The following LCORL variants were observed in gnomAD, a reference collection of about 807,000 sequenced individuals.
LCORL encodes the protein ligand dependent nuclear receptor corepressor like.
In LCORL, 41 loss-of-function variants were observed where a neutral mutation model predicts 141.8. The observed-to-expected ratio is 0.29, with a 90% CI of 0.23 to 0.38. The LOEUF is 0.38. LCORL is among the 10% of genes least tolerant of loss of function. The pLI, the probability that LCORL is intolerant of heterozygous loss-of-function variation, is 1.00. For synonymous variants in LCORL, 618 were observed against 694.1 expected, an observed-to-expected ratio of 0.89 and a Z score of 1.72; for missense variants, 1,759 against 2,035.0, an observed-to-expected ratio of 0.86 and a Z score of 2.61.
exon 8 of LCORL, chr4:17,842,208 ATTG>A: frequency 2.1e-6 from 2 of 948,704 alleles, no homozygotes; most frequent in Non-Finnish European, 3.3e-6. Flanking sequence ...TGTTGAAAGG[ATTG>A]TTGTGTTGAA....
chr4:18,020,062 C>A (rs1004820963), intron 1 of LCORL, among the ~76,000 whole-genome samples: 3 of 152,088 alleles, frequency 2.0e-5, no homozygotes, highest in Non-Finnish European at 4.4e-5. Context: ...TTCGTAAGGG[C>A]AAAACAAAAG....
intron 7 of LCORL, among the ~76,000 whole-genome samples, chr4:17,852,254 C>T (rs1037313324): frequency 1.3e-5 from 2 of 151,494 alleles, no homozygotes; most frequent in African/African-American, 4.8e-5. Context: ...GAAAGCTCAG[C>T]AATAGTATGT....
exon 7 of LCORL, chr4:17,875,436 T>C (rs1473991700): frequency 8.1e-7 from 1 of 1,231,284 alleles, no homozygotes; most frequent in Non-Finnish European, 1.0e-6. Flanking sequence ...TTCACTAATA[T>C]TTCTGGGACT....
chr4:17,931,611 A>C (rs1736055007), intron 4 of LCORL, among the ~76,000 whole-genome samples: 1 of 152,090 alleles, frequency 6.6e-6, no homozygotes, highest in East Asian at 1.9e-4. Context: ...GCAGGTAAAT[A>C]AGACTTTTAA....
In LCORL at chr4:18,021,714, G is replaced by T. The variant is rs777722059; in HGVS notation, c.38C>A (p.Ala13Asp). 6.6e-7 allele frequency: 1 copy of T among 1,526,378 alleles called. No homozygotes were observed. Among genetic ancestry groups the T allele is most frequent in the South Asian group, 1.2e-5 (1 of 81,234 alleles). The allele number at this position is 1,526,378 out of a possible 1,614,324, so 94.6% of individuals were successfully genotyped here. ...GGCGGCGGCGGCGGCGGCAGCAGCG[G>T]CGGCGGCAGCGGCCATTCTCTCTCT... is the stretch of plus-strand genomic sequence containing the variant. Residue 13 changes from alanine (A) to aspartate (D), a missense_variant, in exon 1 of 8, where the codon GCC (alanine) becomes GAC (aspartate). Physicochemically the swap from Ala to Asp is moderately radical, Grantham distance 126 (BLOSUM62 -2). Around this residue, in one of 5 missense-constraint regions of LCORL, gnomAD observed 86 missense variants for 61.8 expected, o/e 1.39. Transcript: ENST00000635767. This position sits in a 1 kb window ranked among gnomAD's most constrained non-coding sequence, Gnocchi z 5.5.
intron 1 of LCORL, among the ~76,000 whole-genome samples, chr4:17,981,198 T>C (rs1307645972): frequency 6.6e-6 from 1 of 152,210 alleles, no homozygotes; most frequent in African/African-American, 2.4e-5. Flanking sequence ...GTCCAACTGG[T>C]AGTTTCTACT....
intron 1 of LCORL, among the ~76,000 whole-genome samples, chr4:18,001,417 T>C (rs1360383130): frequency 1.3e-5 from 2 of 152,200 alleles, no homozygotes; most frequent in Admixed American, 6.5e-5. Flanking sequence ...ACAGAGCAGG[T>C]AGGCTATGCT....
intron 7 of LCORL, among the ~76,000 whole-genome samples, chr4:17,849,800 C>CA (rs1402908496): frequency 4.0e-5 from 6 of 151,790 alleles, no homozygotes; most frequent in African/African-American, 7.3e-5. Flanking sequence ...CATATGGAAC[C>CA]AAAAAAGAGC....
At chr4:17,903,008 G>C (rs968019592) in intron 5 of LCORL, among the ~76,000 whole-genome samples, 2 of 152,016 alleles carry the variant, frequency 1.3e-5, no homozygotes, top group African/African-American at 4.8e-5. Context: ...GTATTAAAAA[G>C]TATATTTCAG....
At chr4:17,997,840 A>C (rs1721153200) in intron 1 of LCORL, among the ~76,000 whole-genome samples, 1 of 152,218 alleles carries the variant, frequency 6.6e-6, no homozygotes, top group South Asian at 2.1e-4. Flanking sequence ...TTCAGAGAAG[A>C]CAAATTCAGG....
chr4:17,887,057 G>A (rs960165085), intron 5 of LCORL, among the ~76,000 whole-genome samples: 6 of 151,892 alleles, frequency 4.0e-5, no homozygotes, highest in African/African-American at 1.5e-4. Flanking sequence ...AAATTCAACT[G>A]GGTTTTACTG....
chr4:17,953,591 G>C (rs1017650427), intron 4 of LCORL, among the ~76,000 whole-genome samples: 2 of 152,166 alleles, frequency 1.3e-5, no homozygotes, highest in East Asian at 3.8e-4. Flanking sequence ...ACTCCCTCAT[G>C]ATGTTTATCT....
Position 17,841,992 on chromosome 4 carries a change from C to T in LCORL, c.*3896G>A. ...TTGTGCTATAGCAATAATAGAGGTA[C>T]TTCATTATAACACATTTTTCATATA... On this transcript the variant is annotated 3_prime_UTR_variant, in exon 8 of 8. Transcript: ENST00000635767. The T allele has an allele frequency of 1.3e-5, 3 of 225,438 alleles. No homozygotes were observed. In the South Asian group the frequency reaches 2.0e-4, roughly 15 times the overall value. 14.0% of individuals were successfully genotyped at this position (225,438 alleles called of 1,614,324 possible). A position where few individuals can be genotyped will look rare whatever the true frequency, so the allele number is the denominator to read the frequency against.
exon 8 of LCORL, chr4:17,845,517 A>G (rs1722822440): frequency 7.2e-6 from 3 of 416,342 alleles, no homozygotes; most frequent in Non-Finnish European, 1.3e-5. Flanking sequence ...AAACATCAAA[A>G]TCCGTTTACA....
chr4:17,990,076 A>G (rs1311438566), intron 1 of LCORL, among the ~76,000 whole-genome samples: 1 of 151,708 alleles, frequency 6.6e-6, no homozygotes, highest in African/African-American at 2.4e-5. Context: ...CCACCAGCAG[A>G]AAAAAAGAAA....
intron 4 of LCORL, among the ~76,000 whole-genome samples, chr4:17,947,696 G>A (rs756067682): frequency 1.2e-4 from 18 of 151,844 alleles, no homozygotes; most frequent in Non-Finnish European, 2.4e-4. Context: ...TTTACAATAA[G>A]AACATTTTTT....
chr4:18,000,588 A>G (rs1302261279), intron 1 of LCORL, among the ~76,000 whole-genome samples: 4 of 146,122 alleles, frequency 2.7e-5, no homozygotes, highest in African/African-American at 8.0e-5. Flanking sequence ...ATAGAGCATT[A>G]AAAGTGAACG....
At chr4:17,998,246 A>G (rs1721225492) in intron 1 of LCORL, among the ~76,000 whole-genome samples, 1 of 152,234 alleles carries the variant, frequency 6.6e-6, no homozygotes, top group South Asian at 2.1e-4. Flanking sequence ...AAAGCCTAGG[A>G]CATTACCATA....
exon 7 of LCORL, chr4:17,874,590 T>A: frequency 8.1e-7 from 1 of 1,233,768 alleles, no homozygotes. Context: ...TTCAATGTGT[T>A]CTCTTTTTTT....
Sources: allele counts gnomAD v4.1 joint callset (sites outside exome capture counted in the v4.1 genomes callset), GRCh38; gene constraint gnomAD v4.1.1; regional missense constraint gnomAD v4.1.1; non-coding constraint Gnocchi (gnomAD v3.1); transcripts MANE v1.5; gene names NCBI Gene and HGNC (gene_info 2026-07-23, HGNC 2026-07-21).